The following SPAG16 variants were observed in gnomAD, a reference collection of about 807,000 sequenced individuals.
SPAG16 encodes the protein sperm-associated antigen 16 protein.
A neutral mutation model predicts 80.4 loss-of-function variants in SPAG16; 86 were observed. That is an observed-to-expected ratio of 1.07 (90% CI 0.90 to 1.28). The LOEUF is 1.28. Among genes scored for constraint, SPAG16 ranks in the 50% most tolerant of loss-of-function variants. The pLI, the probability that SPAG16 is intolerant of heterozygous loss-of-function variation, is 0.00. For synonymous variants in SPAG16, 294 were observed against 265.9 expected, an observed-to-expected ratio of 1.11 and a Z score of -1.03; for missense variants, 870 against 765.3, an observed-to-expected ratio of 1.14 and a Z score of -1.61.
chr2:213,929,211 A>T (rs1477715538), intron 11 of SPAG16, among the ~76,000 whole-genome samples: 2 of 151,246 alleles, frequency 1.3e-5, no homozygotes, highest in Non-Finnish European at 3.0e-5. Flanking sequence ...ACGGGGTTTC[A>T]CCTTGTTGGC....
chr2:214,294,523 C>G (rs138695841), intron 15 of SPAG16, among the ~76,000 whole-genome samples: 4 of 152,138 alleles, frequency 2.6e-5, no homozygotes, highest in African/African-American at 9.7e-5. Context: ...TCCCTTATGA[C>G]AGCCAAAATA....
chr2:213,403,813 G>A (rs1455295150), intron 9 of SPAG16, among the ~76,000 whole-genome samples: 9 of 152,240 alleles, frequency 5.9e-5, no homozygotes, highest in East Asian at 1.9e-4. Flanking sequence ...AAACCTCGTC[G>A]TCTCAGCCCA....
chr2:213,284,568 G>A lies in SPAG16; in HGVS notation c.85G>A (p.Ala29Thr). 7 of 1,609,272 alleles carry A rather than the reference G, an allele frequency of 4.3e-6. No homozygotes were observed. The highest frequency in any genetic ancestry group is 5.9e-6 in the Non-Finnish European group (7 of 1,178,188). The change falls in exon 1 of 16, where the codon GCG (alanine) becomes ACG (threonine). Residue 29 changes from alanine (A) to threonine (T), a missense_variant. By Grantham distance (58) the Ala-to-Thr change is moderately conservative. Transcript: ENST00000331683. ...CATGGGTTTGACGGCAGCCGGGGAC[G>A]CGAGGGACACGGCGGACGCGGTGGC... is the stretch of plus-strand genomic sequence containing the variant. ...LGMGLTAAGD[A>T]RDTADAVAAE...
chr2:213,955,036 A>C (rs1409351538), intron 12 of SPAG16, among the ~76,000 whole-genome samples: 1 of 152,030 alleles, frequency 6.6e-6, no homozygotes, highest in Non-Finnish European at 1.5e-5. Flanking sequence ...AGATTTCTTT[A>C]CATATTTCTT....
At chr2:213,558,481 T>TG (rs147039451) in intron 10 of SPAG16, among the ~76,000 whole-genome samples, 367 of 151,996 alleles carry the variant, frequency 2.4e-3, no homozygotes, top group Middle Eastern at 3.4e-3. Context: ...AATTTTTTTT[T>TG]TGTGTTAGTC....
intron 12 of SPAG16, among the ~76,000 whole-genome samples, chr2:213,972,824 T>C (rs1410732230): frequency 6.6e-6 from 1 of 152,208 alleles, no homozygotes; most frequent in Non-Finnish European, 1.5e-5. Context: ...ATATACTTTT[T>C]CCCTTATCAG....
At chr2:214,381,352 C>A (rs1461175705) in intron 15 of SPAG16, among the ~76,000 whole-genome samples, 4 of 152,140 alleles carry the variant, frequency 2.6e-5, no homozygotes, top group Admixed American at 6.5e-5. Flanking sequence ...TATGAAAGAG[C>A]AATGATACCT....
intron 12 of SPAG16, among the ~76,000 whole-genome samples, chr2:214,013,179 CTTTTTTT>C (rs11382197): frequency 7.2e-6 from 1 of 138,930 alleles, no homozygotes; most frequent in Non-Finnish European, 1.5e-5. Flanking sequence ...AGTATTTTGT[CTTTTTTT>C]TTTTTTTTTG....
At chr2:213,484,616 C>A (rs7564920) in intron 9 of SPAG16, among the ~76,000 whole-genome samples, 1 of 152,048 alleles carries the variant, frequency 6.6e-6, no homozygotes, top group South Asian at 2.1e-4. Flanking sequence ...TCTTTTAATA[C>A]GGTGTTTATT....
chr2:213,609,921 A>G (rs760662658), intron 10 of SPAG16, among the ~76,000 whole-genome samples: 1 of 152,072 alleles, frequency 6.6e-6, no homozygotes, highest in African/African-American at 2.4e-5. Context: ...AATCCAGCCA[A>G]TGTAATCCCC....
intron 9 of SPAG16, among the ~76,000 whole-genome samples, chr2:213,422,986 T>C (rs1399477520): frequency 6.6e-6 from 1 of 152,246 alleles, no homozygotes; most frequent in African/African-American, 2.4e-5. Flanking sequence ...TCTTCTCTAG[T>C]CTTCCTTTCC....
chr2:214,325,615 C>A (rs1696417901), intron 15 of SPAG16, among the ~76,000 whole-genome samples: 1 of 152,032 alleles, frequency 6.6e-6, no homozygotes, highest in Non-Finnish European at 1.5e-5. Context: ...CAAATCATGC[C>A]ACATTAAGTA....
At chr2:214,033,329 C>A (rs772560115) in intron 13 of SPAG16, among the ~76,000 whole-genome samples, 6 of 152,088 alleles carry the variant, frequency 3.9e-5, no homozygotes, top group Admixed American at 6.6e-5. Flanking sequence ...CATATATAAA[C>A]ATGTTATTTC....
At chr2:214,103,110 C>G (rs187929605) in intron 13 of SPAG16, among the ~76,000 whole-genome samples, 8 of 152,208 alleles carry the variant, frequency 5.3e-5, no homozygotes, top group Admixed American at 5.2e-4. Context: ...CATGTGCCCC[C>G]CAGAATGTCA....
intron 10 of SPAG16, among the ~76,000 whole-genome samples, chr2:213,695,702 G>A (rs2065127985): frequency 6.6e-6 from 1 of 152,234 alleles, no homozygotes. Context: ...AGAAGACGTA[G>A]AGGAGAAGCA....
intron 10 of SPAG16, among the ~76,000 whole-genome samples, chr2:213,790,085 A>G (rs946195726): frequency 6.6e-6 from 1 of 151,954 alleles, no homozygotes. Flanking sequence ...TAATTCCACA[A>G]CATCATCCAC....
chr2:213,528,506 T>C (rs974409728), intron 10 of SPAG16, among the ~76,000 whole-genome samples: 6 of 152,290 alleles, frequency 3.9e-5, no homozygotes, highest in Admixed American at 2.0e-4. Flanking sequence ...CTTGAATGAA[T>C]GATTTATTCA....
chr2:213,442,599 G>A (rs2071037831), intron 9 of SPAG16, among the ~76,000 whole-genome samples: 1 of 152,086 alleles, frequency 6.6e-6, no homozygotes, highest in African/African-American at 2.4e-5. Context: ...GAATAGAGTG[G>A]CCAACAAATA....
chr2:213,827,265 C>T (rs2073360143), intron 10 of SPAG16, among the ~76,000 whole-genome samples: 1 of 151,858 alleles, frequency 6.6e-6, no homozygotes, highest in Non-Finnish European at 1.5e-5. Flanking sequence ...TTTCCTTCCT[C>T]TCTTCCTTTT....
Sources: allele counts gnomAD v4.1 joint callset (sites outside exome capture counted in the v4.1 genomes callset), GRCh38; gene constraint gnomAD v4.1.1; transcripts MANE v1.5; gene names NCBI Gene and HGNC (gene_info 2026-07-23, HGNC 2026-07-21).